YIPF7: variants seen among roughly 807,000 people sequenced by gnomAD.
YIPF7 encodes the protein Yip1 domain family member 7.
In YIPF7, 35 loss-of-function variants were observed where a neutral mutation model predicts 27.2. The ratio of observed to expected loss-of-function variants is 1.29; its 90% CI spans 0.98 to 1.70. The LOEUF is 1.70. YIPF7 is among the 40% of genes most tolerant of loss of function. YIPF7 has a pLI of 0.00. For missense variants in YIPF7, 358 were observed against 303.7 expected (o/e 1.18, Z -1.33); for synonymous variants, 137 against 110.4 (o/e 1.24, Z -1.51).
rs183908994 is a variant in YIPF7 at position 44,636,013 on chromosome 4, T to C, written c.189A>G (p.Ala63=). The change falls in exon 3 of 6, where the codon GCA becomes GCG. Residue 63 remains alanine, a synonymous_variant. Transcript: ENST00000415895. ...TGGATGCTGGCTGAAAAAATTGTCC[T>C]GCGTAACCCGATGACATGAGCATCT... is the stretch of plus-strand genomic sequence containing the variant. The part of the protein sequence containing the change: ...PSEMLMSSGY[A]GQFFQPASNS... 306 of 1,613,908 alleles carry C rather than the reference T, an allele frequency of 1.9e-4. No individual in the cohort carries two copies. The highest frequency in any genetic ancestry group is 2.5e-4 in the Admixed American group (15 of 60,016).
intron 1 of YIPF7, among the ~76,000 whole-genome samples, chr4:44,660,917 C>T (rs1714028887): frequency 6.6e-6 from 1 of 151,978 alleles, no homozygotes; most frequent in Non-Finnish European, 1.5e-5. Context: ...AATACTGGTG[C>T]CCAGGTTAAT....
chr4:44,655,512 C>T (rs907743311), upstream of YIPF7, among the ~76,000 whole-genome samples: 1 of 151,986 alleles, frequency 6.6e-6, no homozygotes, highest in East Asian at 1.9e-4. Flanking sequence ...TTGTATCCCT[C>T]TACCCCAAAT....
chr4:44,627,372 G>C (rs1712699120), intron 4 of YIPF7, among the ~76,000 whole-genome samples: 1 of 152,192 alleles, frequency 6.6e-6, no homozygotes, highest in Non-Finnish European at 1.5e-5. Context: ...TCTTAAAGGA[G>C]GAAGAGTATG....
At chr4:44,653,415 C>T (rs1281975723), upstream of YIPF7, among the ~76,000 whole-genome samples, 1 of 151,952 alleles carries the variant, frequency 6.6e-6, no homozygotes, top group Non-Finnish European at 1.5e-5. Context: ...TGTGAGTGGC[C>T]TGAACTAGGG....
chr4:44,644,406 T>C (rs1713448573), intron 2 of YIPF7, among the ~76,000 whole-genome samples: 1 of 152,224 alleles, frequency 6.6e-6, no homozygotes, highest in South Asian at 2.1e-4. Context: ...TTGGGCCACA[T>C]TAAAGCCACC....
chr4:44,645,882 A>G (rs1273059203), intron 2 of YIPF7, among the ~76,000 whole-genome samples: 1 of 152,168 alleles, frequency 6.6e-6, no homozygotes, highest in Non-Finnish European at 1.5e-5. Flanking sequence ...ATTTTTAAAT[A>G]TATATAATAT....
chr4:44,632,506 T>C (rs1264576832), intron 3 of YIPF7, among the ~76,000 whole-genome samples: 2 of 152,188 alleles, frequency 1.3e-5, no homozygotes, highest in African/African-American at 4.8e-5. Context: ...TGATTTTACA[T>C]TAACAAAGAG....
At chr4:44,638,026 G>C (rs537008872) in intron 2 of YIPF7, among the ~76,000 whole-genome samples, 2 of 152,056 alleles carry the variant, frequency 1.3e-5, no homozygotes, top group African/African-American at 4.8e-5. Flanking sequence ...CAAAAAGTGG[G>C]GTAAGGACAT....
At chr4:44,641,741 G>A (rs559533962) in intron 2 of YIPF7, among the ~76,000 whole-genome samples, 60 of 152,196 alleles carry the variant, frequency 3.9e-4, no homozygotes, top group African/African-American at 1.4e-3. Flanking sequence ...TATAGAGGGG[G>A]GAGATATACA....
At chr4:44,625,560 G>A (rs956884122) in intron 4 of YIPF7, among the ~76,000 whole-genome samples, 4 of 152,100 alleles carry the variant, frequency 2.6e-5, no homozygotes, top group Non-Finnish European at 5.9e-5. Flanking sequence ...CTTATGAAAA[G>A]GTGATTTATA....
chr4:44,659,434 C>T (rs1713984423), intron 2 of YIPF7, among the ~76,000 whole-genome samples: 1 of 151,350 alleles, frequency 6.6e-6, no homozygotes, highest in Admixed American at 6.6e-5. Flanking sequence ...GATATAGAGA[C>T]TACACTTAAT....
chr4:44,629,692 T>C (rs1300085307), intron 3 of YIPF7, 144 bp from the exon 4 acceptor site: 3 of 543,392 alleles, frequency 5.5e-6, no homozygotes, highest in African/African-American at 3.9e-5. Context: ...TAAAGTTCTA[T>C]GTTCTGTATT....
chr4:44,647,248 T>C (rs1486305270), intron 2 of YIPF7, among the ~76,000 whole-genome samples: 1 of 152,154 alleles, frequency 6.6e-6, no homozygotes, highest in East Asian at 1.9e-4. Flanking sequence ...TTCTAGGAAA[T>C]GTTCAGTCAA....
rs1577743731 is a variant in YIPF7, at chr4:44,649,908, T to C, written c.116+77A>G. The C allele has an allele frequency of 3.8e-6, 3 of 783,120 alleles. No homozygotes were observed. The South Asian group carries it at 5.3e-5, about 14-fold the overall frequency. 48.5% of individuals were successfully genotyped at this position (783,120 alleles called of 1,614,324 possible). ...TTCAACTTTCATAATAACTACAATATATTGAATTTTTACAATATGTGGGTG... is the reference window on the plus strand; with the variant it reads ...TTCAACTTTCATAATAACTACAATACATTGAATTTTTACAATATGTGGGTG... On this transcript the variant is annotated intron_variant, in intron 2 of 5. Coordinates refer to ENST00000415895, the MANE Select transcript of YIPF7 (RefSeq NM_182592.3).
At chr4:44,651,519 A>G in intron 1 of YIPF7, 35 bp downstream of exon 1, 2 of 1,473,432 alleles carry the variant, frequency 1.4e-6, no homozygotes, top group African/African-American at 1.4e-5. Context: ...TATTTTGTTT[A>G]AATGCCAAGT....
At chr4:44,639,204 T>C (rs964779420) in intron 2 of YIPF7, among the ~76,000 whole-genome samples, 4 of 152,168 alleles carry the variant, frequency 2.6e-5, no homozygotes, top group African/African-American at 9.6e-5. Flanking sequence ...AATTTTAGGA[T>C]AGTTTTTTTC....
At chr4:44,628,934 C>T (rs1301452161) in intron 4 of YIPF7, among the ~76,000 whole-genome samples, 3 of 152,054 alleles carry the variant, frequency 2.0e-5, no homozygotes, top group Non-Finnish European at 4.4e-5. Context: ...TCATAGTAGC[C>T]TAACCCAAAA....
intron 2 of YIPF7, among the ~76,000 whole-genome samples, chr4:44,647,743 C>G (rs562771368): frequency 6.6e-6 from 1 of 152,100 alleles, no homozygotes; most frequent in African/African-American, 2.4e-5. Flanking sequence ...ATGAAAGCAG[C>G]ATCTATTTGC....
At position 44,624,741 on chromosome 4, in the gene YIPF7, G is replaced by A. The variant is rs1332700024; in HGVS notation, c.468C>T (p.Ala156=). 10 of 1,612,000 alleles carry A rather than the reference G, an allele frequency of 6.2e-6. No individual in the cohort carries two copies. Among genetic ancestry groups the A allele is most frequent in the Non-Finnish European group, 8.5e-6 (10 of 1,179,088 alleles). The change falls in exon 5 of 6, where the codon GCC becomes GCT. Residue 156 remains alanine (A), a synonymous_variant. Coordinates refer to ENST00000415895, the MANE Select transcript of YIPF7 (RefSeq NM_182592.3). ...VQFGYVYGMS[A]IGCLVIHALL... ...AGGCATGAATCACAAGGCAGCCAAT[G>A]GCACTCATGCCATACACATAACCAA...
Sources: gnomAD v4.1 joint callset for allele counts (sites outside exome capture counted in the v4.1 genomes callset) on GRCh38, gnomAD v4.1.1 for gene constraint, MANE v1.5 for transcripts, NCBI Gene and HGNC (gene_info 2026-07-23, HGNC 2026-07-21) for gene names.